EDA: variants seen among roughly 807,000 people sequenced by gnomAD.
The protein encoded by EDA is ectodysplasin A, also known as ectodysplasin-A.
Under a neutral mutation model 23.6 loss-of-function variants are expected in EDA, and 2 were observed. That is an observed-to-expected ratio of 0.08 (90% CI 0.03 to 0.27). EDA has a LOEUF of 0.27. Ranked by LOEUF, EDA falls within the 10% of genes least tolerant of loss-of-function variation. The probability of loss-of-function intolerance (pLI) is 1.00; values close to 1 mark genes in which losing one functional copy is unlikely to be tolerated. For missense variants in EDA, 229 were observed against 324.2 expected (o/e 0.71, Z 2.26); for synonymous variants, 131 against 132.0 (o/e 0.99, Z 0.05).
At chrX:69,715,965 G>C (rs913599570) in intron 1 of EDA, among the ~76,000 whole-genome samples, 2 of 111,675 alleles carry the variant, frequency 1.8e-5, no homozygotes, top group Non-Finnish European at 3.8e-5. Context: ...ATAGATGCTG[G>C]ATATTAGACC....
At chrX:69,785,801 G>A (rs1262755670) in intron 1 of EDA, among the ~76,000 whole-genome samples, 2 of 106,453 alleles carry the variant, frequency 1.9e-5, no homozygotes, top group Middle Eastern at 4.8e-3. Context: ...GATGATGCTG[G>A]CCTCATAAAA....
At chrX:69,998,362 A>G (rs1721873333) in intron 2 of EDA, among the ~76,000 whole-genome samples, 1 of 112,194 alleles carries the variant, frequency 8.9e-6, no homozygotes, top group Admixed American at 9.4e-5. Context: ...GTTCCAGCCA[A>G]TTCCTCCCAT....
At chrX:69,665,997 T>A (rs1347953682) in intron 1 of EDA, among the ~76,000 whole-genome samples, 1 of 111,812 alleles carries the variant, frequency 8.9e-6, no homozygotes, top group Non-Finnish European at 1.9e-5. Context: ...ATTTCATCAG[T>A]GTTTTGCAGT....
intron 1 of EDA, among the ~76,000 whole-genome samples, chrX:69,763,831 G>A (rs1384497504): frequency 8.9e-6 from 1 of 111,797 alleles, no homozygotes; most frequent in Non-Finnish European, 1.9e-5. Context: ...TGATGGGTGA[G>A]TATCCAAGTG....
intron 1 of EDA, among the ~76,000 whole-genome samples, chrX:69,896,809 TC>T (rs2018023075): frequency 9.0e-6 from 1 of 111,123 alleles, no homozygotes; most frequent in African/African-American, 3.3e-5. Flanking sequence ...TTCTCACTCT[TC>T]CTCTTGATGA....
At chrX:69,991,385 G>A (rs2019587179) in intron 2 of EDA, among the ~76,000 whole-genome samples, 1 of 111,225 alleles carries the variant, frequency 9.0e-6, no homozygotes. Context: ...CTAAGCCCTT[G>A]CAATGCCTCT....
chrX:69,720,012 C>T (rs752189750), intron 1 of EDA, among the ~76,000 whole-genome samples: 50 of 110,906 alleles, frequency 4.5e-4, no homozygotes, highest in Non-Finnish European at 7.2e-4. Context: ...CCTCCCAAAG[C>T]GCAGGGATTA....
At chrX:69,993,226 C>G (rs113768438) in intron 2 of EDA, among the ~76,000 whole-genome samples, 1 of 107,579 alleles carries the variant, frequency 9.3e-6, no homozygotes, top group Non-Finnish European at 1.9e-5. Context: ...TAAAAATAAC[C>G]CCCCAAAATG....
At chrX:69,802,190 C>A (rs1237689105) in intron 1 of EDA, among the ~76,000 whole-genome samples, 2 of 109,752 alleles carry the variant, frequency 1.8e-5, no homozygotes, top group East Asian at 5.6e-4. Context: ...AATGAATGGA[C>A]TAGAACTACA....
At chrX:69,794,566 C>A (rs947760077) in intron 1 of EDA, among the ~76,000 whole-genome samples, 32 of 112,019 alleles carry the variant, frequency 2.9e-4, no homozygotes, top group African/African-American at 1.0e-3. Flanking sequence ...TATCAGTTAG[C>A]TATGAATTTC....
intron 1 of EDA, among the ~76,000 whole-genome samples, chrX:69,744,702 A>G (rs149389936): frequency 8.9e-6 from 1 of 112,225 alleles, no homozygotes; most frequent in African/African-American, 3.2e-5. Context: ...TGTTTTGGTT[A>G]AGCAAAAAGA....
intron 1 of EDA, among the ~76,000 whole-genome samples, chrX:69,863,529 GTGTATATA>G (rs762395688): frequency 1.8e-3 from 57 of 31,516 alleles, no homozygotes; most frequent in South Asian, 0.011. Context: ...ATATATGTGT[GTGTATATA>G]TATATATACA....
intron 1 of EDA, among the ~76,000 whole-genome samples, chrX:69,680,264 G>T (rs1165354354): frequency 3.2e-5 from 2 of 62,969 alleles, no homozygotes; most frequent in African/African-American, 1.9e-4. Context: ...TTTGTAATAG[G>T]TGTGGTGTGG....
chrX:69,634,358 G>A (rs1932714038), intron 1 of EDA, among the ~76,000 whole-genome samples: 1 of 111,335 alleles, frequency 9.0e-6, no homozygotes, highest in Non-Finnish European at 1.9e-5. Context: ...TGTTGCCCAG[G>A]CGGGAGTGCG....
At chrX:69,659,842 A>G (rs1272783997) in intron 1 of EDA, among the ~76,000 whole-genome samples, 1 of 111,541 alleles carries the variant, frequency 9.0e-6, no homozygotes, top group Non-Finnish European at 1.9e-5. Flanking sequence ...TTAAAGATGC[A>G]GGTTTCTGGG....
In EDA at chrX:69,722,969, A is replaced by T. The variant is rs773895209; in HGVS notation, c.396+106265A>T. ...AATGCCATTGTTGTTATATATTTTT[A>T]AAATCTGAGATTATAGAAACACGTT... On this transcript the variant is annotated intron_variant, in intron 1 of 7. Transcript: ENST00000374552. 6.2e-5 allele frequency among the ~76,000 whole-genome samples: 7 copies of T among 112,375 alleles called. No homozygotes were observed. The South Asian group carries it at 2.2e-3, about 35-fold the overall frequency.
At chrX:69,864,102 T>C (rs910256910) in intron 1 of EDA, among the ~76,000 whole-genome samples, 5 of 111,720 alleles carry the variant, frequency 4.5e-5, no homozygotes, top group Non-Finnish European at 9.4e-5. Context: ...GTTTGTTTTA[T>C]AGAAGTATAA....
intron 1 of EDA, among the ~76,000 whole-genome samples, chrX:69,721,037 T>A (rs2012559159): frequency 8.9e-6 from 1 of 112,450 alleles, no homozygotes. Context: ...GTTGTGGGCC[T>A]ACTTTTGTGG....
At chrX:69,668,187 G>A (rs959388338) in intron 1 of EDA, among the ~76,000 whole-genome samples, 21 of 111,888 alleles carry the variant, frequency 1.9e-4, no homozygotes, top group Non-Finnish European at 3.2e-4. Context: ...TTTCATTATC[G>A]CTTGTCTCAA....
Sources: gnomAD v4.1 joint callset for allele counts (sites outside exome capture counted in the v4.1 genomes callset) on GRCh38, gnomAD v4.1.1 for gene constraint, MANE v1.5 for transcripts, NCBI Gene and HGNC (gene_info 2026-07-23, HGNC 2026-07-21) for gene names.